Variants in PTPRC observed in about 807,000 individuals in gnomAD.
PTPRC encodes the protein protein tyrosine phosphatase receptor type C.
Under a neutral mutation model 155.9 loss-of-function variants are expected in PTPRC, and 44 were observed. The observed-to-expected ratio is 0.28, with a 90% CI of 0.22 to 0.36. The LOEUF (loss-of-function observed/expected upper bound fraction) is 0.36, where lower values mean the gene tolerates loss of function less well. Ranked by LOEUF, PTPRC falls within the 10% of genes least tolerant of loss-of-function variation. PTPRC has a pLI of 1.00. For missense variants in PTPRC, 1,401 were observed against 1,564.6 expected (o/e 0.90, Z 1.76); for synonymous variants, 525 against 533.1 (o/e 0.98, Z 0.21).
In PTPRC at chr1:198,735,148, C is replaced by T. The variant is rs1318618552; in HGVS notation, c.2299C>T (p.Pro767Ser). ...GTAGAACAAGTGTGCAGAATACTGGCCGTCAATGGAAGAGGGCACTCGGGC... is the reference window on the plus strand; with the variant it reads ...GTAGAACAAGTGTGCAGAATACTGGTCGTCAATGGAAGAGGGCACTCGGGC... ...GNRNKCAEYW[P>S]SMEEGTRAFG... is the part of the protein sequence containing the mutation. Residue 767 changes from proline to serine, a missense_variant, in exon 23 of 33, where the codon CCG becomes TCG. By Grantham distance (74) the Pro-to-Ser change is moderately conservative (BLOSUM62 -1). Around this residue, in one of 3 missense-constraint regions of PTPRC, gnomAD observed 867 missense variants for 970.4 expected, o/e 0.89. Coordinates refer to ENST00000442510, the MANE Select transcript of PTPRC (RefSeq NM_002838.5). 16 of 1,602,440 alleles carry T rather than the reference C, an allele frequency of 1.0e-5. No individual in the cohort carries two copies. The South Asian group carries it at 1.5e-4, about 15-fold the overall frequency.
Position 198,703,290 on chromosome 1 carries a change from T to G in PTPRC, c.584-8T>G. On this transcript the variant is annotated splice_polypyrimidine_tract_variant and splice_region_variant and intron_variant, in intron 6 of 32. Coordinates refer to ENST00000442510, the MANE Select transcript of PTPRC (RefSeq NM_002838.5). ...TTAGCTTTTATTCTTCTATTCATTT[T>G]CTTGCAGATGCCTACCTTAATGCCT... is the stretch of plus-strand genomic sequence containing the variant. 1 of 1,612,936 alleles carries G rather than the reference T, an allele frequency of 6.2e-7. No individual in the cohort carries two copies. The highest frequency in any genetic ancestry group is 1.1e-5 in the South Asian group (1 of 91,082).
chr1:198,704,520 C>A (rs1666626843), intron 8 of PTPRC, 22 bp downstream of exon 8: 1 of 1,613,902 alleles, frequency 6.2e-7, no homozygotes, highest in Non-Finnish European at 8.5e-7. Flanking sequence ...TACTTAGAAT[C>A]AGCATACCTC....
chr1:198,676,488 C>T (rs905444314), intron 2 of PTPRC, among the ~76,000 whole-genome samples: 2 of 152,102 alleles, frequency 1.3e-5, no homozygotes, highest in Non-Finnish European at 2.9e-5. Context: ...GTTTCTGAGA[C>T]TTGCATGGCT....
intron 32 of PTPRC, 110 bp downstream of exon 32, chr1:198,754,514 C>A: frequency 7.6e-7 from 1 of 1,310,652 alleles, no homozygotes; most frequent in Non-Finnish European, 1.1e-6. Context: ...TCTTTTTTCC[C>A]CTTTCCTTTT....
At chr1:198,747,074 G>C (rs1342433845) in intron 26 of PTPRC, among the ~76,000 whole-genome samples, 1 of 151,684 alleles carries the variant, frequency 6.6e-6, no homozygotes, top group Non-Finnish European at 1.5e-5. Flanking sequence ...CTCAGTTTCA[G>C]TTATTTGTAA....
At chr1:198,679,774 T>G (rs946888660) in intron 2 of PTPRC, 10 of 474,760 alleles carry the variant, frequency 2.1e-5, no homozygotes, top group Non-Finnish European at 3.8e-5. Context: ...ACCCTTCATG[T>G]TGACCACCAG....
intron 3 of PTPRC, chr1:198,695,045 G>A (rs1666127293): frequency 1.1e-6 from 1 of 938,280 alleles, no homozygotes; most frequent in South Asian, 4.9e-5. Flanking sequence ...TTGCATTTCT[G>A]TAATCACAGA....
chr1:198,705,432 CTT>C (rs905823899), intron 8 of PTPRC, among the ~76,000 whole-genome samples: 2,110 of 139,356 alleles, frequency 0.015, 20 homozygotes, highest in Non-Finnish European at 0.017. Context: ...TTCTTTCTTT[CTT>C]TTTTTTTTTT....
Position 198,696,732 on chromosome 1 carries a change from C to T in PTPRC, c.121C>T (p.Pro41Ser). ...SPTGLTTAKM[P>S]SVPLSSDPLP... ...AACAGGATTGACTACAGCAAAGATG[C>T]CCAGTGTTCCACTTTCAAGTGACCC... The change falls in exon 4 of 33, where the codon CCC becomes TCC. Residue 41 changes from proline (P) to serine (S), a missense_variant. By Grantham distance (74) the Pro-to-Ser change is moderately conservative. Coordinates refer to ENST00000442510, the MANE Select transcript of PTPRC (RefSeq NM_002838.5). The T allele has an allele frequency of 2.5e-6, 4 of 1,613,868 alleles. No homozygotes were observed. The highest frequency in any genetic ancestry group is 3.4e-6 in the Non-Finnish European group (4 of 1,179,798).
intron 2 of PTPRC, among the ~76,000 whole-genome samples, chr1:198,669,677 A>G (rs1490326815): frequency 6.6e-6 from 1 of 151,900 alleles, no homozygotes. Flanking sequence ...CCTGCCAGCC[A>G]CTCCCAGACC....
intron 24 of PTPRC, 23 bp from the exon 25 acceptor site, chr1:198,742,209 C>CT (rs747865861): frequency 1.7e-5 from 27 of 1,610,472 alleles, no homozygotes; most frequent in African/African-American, 1.5e-4. Flanking sequence ...CATGCCTCTG[C>CT]TTTTTTTTGC....
intron 5 of PTPRC, among the ~76,000 whole-genome samples, chr1:198,700,666 C>T (rs1472724267): frequency 6.6e-6 from 1 of 152,126 alleles, no homozygotes; most frequent in Non-Finnish European, 1.5e-5. Context: ...AACTGTAAAA[C>T]AACAAAAGGG....
At chr1:198,652,437 C>A (rs938934954) in intron 2 of PTPRC, among the ~76,000 whole-genome samples, 4 of 151,718 alleles carry the variant, frequency 2.6e-5, no homozygotes, top group African/African-American at 9.7e-5. Flanking sequence ...ACTCCCAATG[C>A]TGAATAATCT....
At chr1:198,749,301 G>C in intron 27 of PTPRC, 115 bp from the exon 28 acceptor site, 1 of 1,040,648 alleles carries the variant, frequency 9.6e-7, no homozygotes, top group Non-Finnish European at 1.4e-6. Context: ...ATGTAGATCA[G>C]TAAGTTTTCA....
chr1:198,697,233 A>G (rs915967068), intron 4 of PTPRC, among the ~76,000 whole-genome samples: 4 of 152,180 alleles, frequency 2.6e-5, no homozygotes, highest in African/African-American at 7.2e-5. Context: ...TGGACAGATG[A>G]GAATTTCCCT....
At chr1:198,656,646 G>GTTT (rs1017437706) in intron 2 of PTPRC, among the ~76,000 whole-genome samples, 1 of 86,512 alleles carries the variant, frequency 1.2e-5, no homozygotes, top group African/African-American at 5.1e-5. Context: ...CTAGTTTTTT[G>GTTT]TTTTTTGTTT....
At chr1:198,744,436 C>G (rs1388545957) in intron 26 of PTPRC, among the ~76,000 whole-genome samples, 1 of 151,776 alleles carries the variant, frequency 6.6e-6, no homozygotes, top group African/African-American at 2.4e-5. Context: ...ATTGCTAATA[C>G]TTTTAGCCAT....
chr1:198,696,581 A>G (rs962935127), intron 3 of PTPRC, 131 bp from the exon 4 acceptor site: 28 of 780,168 alleles, frequency 3.6e-5, no homozygotes, highest in Admixed American at 3.4e-4. Context: ...TGGTGTGTGC[A>G]TATGTATGTG....
chr1:198,747,431 C>T (rs1655183557), intron 26 of PTPRC, among the ~76,000 whole-genome samples: 1 of 151,592 alleles, frequency 6.6e-6, no homozygotes, highest in Non-Finnish European at 1.5e-5. Flanking sequence ...GTTTGTTGTC[C>T]TCTTATAGTG....
Sources: gnomAD v4.1 joint callset for allele counts (sites outside exome capture counted in the v4.1 genomes callset) on GRCh38, gnomAD v4.1.1 for gene constraint, gnomAD v4.1.1 regional missense constraint, MANE v1.5 for transcripts, NCBI Gene and HGNC (gene_info 2026-07-23, HGNC 2026-07-21) for gene names.